Variants in L3MBTL2 observed in about 807,000 individuals in gnomAD.
The protein encoded by L3MBTL2 is L3MBTL histone methyl-lysine binding protein 2, also known as lethal(3)malignant brain tumor-like protein 2.
A neutral mutation model predicts 86.4 loss-of-function variants in L3MBTL2; 49 were observed. That is an observed-to-expected ratio of 0.57 (90% confidence interval 0.45 to 0.72). L3MBTL2 has a LOEUF of 0.72. Ranked by LOEUF, L3MBTL2 falls within the 30% of genes least tolerant of loss-of-function variation. The pLI is 0.00. For missense variants in L3MBTL2, 755 were observed against 923.7 expected (o/e 0.82, Z 2.37); for synonymous variants, 336 against 350.6 (o/e 0.96, Z 0.47).
chr22:41,208,296 A>AT (rs771830116), intron 1 of L3MBTL2: 254 of 436,096 alleles, frequency 5.8e-4, no homozygotes, highest in East Asian at 1.6e-3. Context: ...CACCTGGCTA[A>AT]TTTTTTTTTC....
At chr22:41,218,513 A>C (rs905688041) in intron 5 of L3MBTL2, 3 of 152,210 alleles carry the variant, frequency 2.0e-5, no homozygotes, top group Non-Finnish European at 4.4e-5. Context: ...ACTCTAAAAA[A>C]AGTGATTCTC....
rs755116539 is a variant in L3MBTL2 at position 41,216,283 on chromosome 22, G to C, written c.520+21G>C. 11 of 1,604,640 alleles carry C rather than the reference G, an allele frequency of 6.9e-6. No individual in the cohort carries two copies. The East Asian group carries it at 1.3e-4, about 20-fold the overall frequency. On this transcript the variant is annotated intron_variant, in intron 4 of 16. Coordinates refer to ENST00000216237, the MANE Select transcript of L3MBTL2 (RefSeq NM_031488.5). ...AGACGGTAAGATAGCAGAGGGCCCT[G>C]CTTAGGAAGCTGCCGTGGCTGGGGA...
At chr22:41,219,681 T>C in intron 6 of L3MBTL2, 145 bp downstream of exon 6, 1 of 616,972 alleles carries the variant, frequency 1.6e-6, no homozygotes, top group East Asian at 2.8e-5. Flanking sequence ...AGGATTCTTT[T>C]ACCGGAGAAG....
intron 2 of L3MBTL2, among the ~76,000 whole-genome samples, chr22:41,211,732 G>GT (rs2030845610): frequency 9.3e-6 from 1 of 106,986 alleles, no homozygotes; most frequent in Non-Finnish European, 1.9e-5. Context: ...AATTTTTTTT[G>GT]TATTTTAGTA....
chr22:41,225,795 T>C lies in L3MBTL2; in HGVS notation c.1358T>C (p.Val453Ala), dbSNP rs1160541004. The change falls in exon 12 of 17, where the codon GTT (valine) becomes GCT (alanine). Residue 453 changes from valine (V) to alanine (A), a missense_variant and splice_region_variant. Coordinates refer to ENST00000216237, the MANE Select transcript of L3MBTL2 (RefSeq NM_031488.5). This position sits in a 1 kb window ranked among gnomAD's most constrained non-coding sequence, Gnocchi z 4.1. ...GNICVATVCKVLLDGYLMICV... is the reference protein window; with the variant it reads ...GNICVATVCKALLDGYLMICV... ...CTGCCTGCTCCCCCCACCCCCCAGG[T>C]TCTCCTGGATGGATACCTGATGATC... The C allele has an allele frequency of 6.2e-7, 1 of 1,606,722 alleles. No homozygotes were observed. The highest frequency in any genetic ancestry group is 1.3e-5 in the African/African-American group (1 of 74,768).
chr22:41,225,139 T>A lies in L3MBTL2; in HGVS notation c.1356+68T>A. 1 of 1,265,218 alleles carries A rather than the reference T, an allele frequency of 7.9e-7. No individual in the cohort carries two copies. The highest frequency in any genetic ancestry group is 1.1e-6 in the Non-Finnish European group (1 of 891,106). The allele number at this position is 1,265,218 out of a possible 1,614,324, so 78.4% of individuals were successfully genotyped here. A position where few individuals can be genotyped will look rare whatever the true frequency, so the allele number is the denominator to read the frequency against. ...GGGGGACCCATGTGGCCCAGAGCTC[T>A]AACCCCACTCGCCACCGTCAGGGGG... On this transcript the variant is annotated intron_variant, in intron 11 of 16. Coordinates refer to ENST00000216237, the MANE Select transcript of L3MBTL2 (RefSeq NM_031488.5). This position sits in a 1 kb window ranked among gnomAD's most constrained non-coding sequence, Gnocchi z 4.1.
At chr22:41,216,314 C>T (rs2145584534) in intron 4 of L3MBTL2, 52 bp downstream of exon 4, 1 of 1,594,232 alleles carries the variant, frequency 6.3e-7, no homozygotes, top group Non-Finnish European at 8.6e-7. Flanking sequence ...GGGGAGGAGA[C>T]TGGGTTTGGG....
intron 1 of L3MBTL2, chr22:41,208,451 A>G (rs1243017668): frequency 3.3e-6 from 1 of 302,832 alleles, no homozygotes; most frequent in South Asian, 2.5e-5. Flanking sequence ...TTTCTGTTAC[A>G]TGCTGGGTAG....
In L3MBTL2 at chr22:41,227,126, TG is replaced by T; in HGVS notation, c.1627del (p.Glu543ArgfsTer5). The T allele has an allele frequency of 6.2e-7, 1 of 1,613,588 alleles. No homozygotes were observed. Among genetic ancestry groups the T allele is most frequent in the Non-Finnish European group, 8.5e-7 (1 of 1,179,968 alleles). ...CATGGCTTCAAGGTGGGCATGAAGCTGGAGGCCGTGGACCTGATGGAGCCCC... is the reference window on the plus strand; with the variant it reads ...CATGGCTTCAAGGTGGGCATGAAGCTGAGGCCGTGGACCTGATGGAGCCCC... ...PNHGFKVGMK[L>X]EAVDLMEPRL... On this transcript the variant is annotated frameshift_variant, in exon 14 of 17. Coordinates refer to ENST00000216237, the MANE Select transcript of L3MBTL2 (RefSeq NM_031488.5). LOFTEE classifies it high-confidence loss of function. The surrounding 1 kb of genome is among the most constrained non-coding windows in gnomAD (Gnocchi z 6.0).
intron 2 of L3MBTL2, 81 bp downstream of exon 2, chr22:41,210,014 G>T (rs2030592489): frequency 1.3e-6 from 2 of 1,544,156 alleles, no homozygotes; most frequent in African/African-American, 1.4e-5. Flanking sequence ...GGCTATATGG[G>T]CAGAGCCATC....
At chr22:41,213,133 C>A (rs750490417) in intron 2 of L3MBTL2, among the ~76,000 whole-genome samples, 1 of 152,130 alleles carries the variant, frequency 6.6e-6, no homozygotes, top group African/African-American at 2.4e-5. Flanking sequence ...AGGAGAATGG[C>A]GTGAACCCGG....
At chr22:41,228,175 A>G (rs962092572) in intron 15 of L3MBTL2, 9 of 985,314 alleles carry the variant, frequency 9.1e-6, no homozygotes, top group Admixed American at 6.1e-5. Flanking sequence ...CCATGTTCAG[A>G]AAAAAACAGC....
At chr22:41,208,472 A>G (rs1354205044) in intron 1 of L3MBTL2, 2 of 274,406 alleles carry the variant, frequency 7.3e-6, no homozygotes, top group African/African-American at 2.3e-5. Flanking sequence ...ATTCATATAC[A>G]TTATCTCATT....
In L3MBTL2 at chr22:41,216,809, C is replaced by T. The variant is rs1171156773; in HGVS notation, c.521-314C>T. On this transcript the variant is annotated intron_variant, in intron 4 of 16. Transcript: ENST00000216237. ...TGGGTGTGGCCAATCAGGTTCAGGG[C>T]GGAGGGAGGAATTTAAGCCCAGGGA... Among the ~76,000 whole-genome samples, 5 of 152,230 alleles carry T rather than the reference C, an allele frequency of 3.3e-5. No homozygotes were observed. In the East Asian group the frequency reaches 9.6e-4, roughly 29 times the overall value.
Position 41,230,151 on chromosome 22 carries a change from G to A in L3MBTL2, c.2018G>A (p.Arg673His), listed in dbSNP as rs150229614. ...CCTCCCTCTTCAGTCATTGCTGTGC[G>A]TGTGAAGGAAGAGCATCTAGACGTG... is the stretch of plus-strand genomic sequence containing the variant. ...EPVPGEIIAV[R>H]VKEEHLDVAS... The change falls in exon 17 of 17, where the codon CGT becomes CAT. Residue 673 changes from arginine to histidine, a missense_variant. Physicochemically the swap from Arg to His is conservative, Grantham distance 29 (BLOSUM62 0). Transcript: ENST00000216237. 3.0e-5 allele frequency: 48 copies of A among 1,605,052 alleles called. No individual in the cohort carries two copies. Among genetic ancestry groups the A allele is most frequent in the African/African-American group, 9.7e-5 (7 of 72,268 alleles).
In L3MBTL2 at chr22:41,229,579, A is replaced by G; in HGVS notation, c.1928A>G (p.Gln643Arg). Reference sequence around the variant, plus strand: ...CCCACTAAGACGCGACCCCTCAGACAGGGGTCCAAGAAGCCCCTGCTGGAG... The same window carrying G: ...CCCACTAAGACGCGACCCCTCAGACGGGGGTCCAAGAAGCCCCTGCTGGAG... Reference protein sequence around the residue: ...IPPTKTRPLRQGSKKPLLEDD... With the variant: ...IPPTKTRPLRRGSKKPLLEDD... Residue 643 changes from glutamine to arginine, a missense_variant, in exon 16 of 17, where the codon CAG (glutamine) becomes CGG (arginine). Transcript: ENST00000216237. 2 of 1,613,346 alleles carry G rather than the reference A, an allele frequency of 1.2e-6. No individual in the cohort carries two copies. The highest frequency in any genetic ancestry group is 1.7e-6 in the Non-Finnish European group (2 of 1,179,404).
intron 4 of L3MBTL2, among the ~76,000 whole-genome samples, chr22:41,216,877 C>T (rs2031414480): frequency 6.6e-6 from 1 of 152,222 alleles, no homozygotes; most frequent in Non-Finnish European, 1.5e-5. Context: ...CGAGAAATTT[C>T]CCTTTGAATG....
Position 41,217,572 on chromosome 22 carries a change from G to A in L3MBTL2, c.600+370G>A, listed in dbSNP as rs7289843. ...AGCTGGCCTGGGCCCCGTGGGCCCCGAGAGGCAGATGTGGATGCTCCTGGA... is the reference window on the plus strand; with the variant it reads ...AGCTGGCCTGGGCCCCGTGGGCCCCAAGAGGCAGATGTGGATGCTCCTGGA... On this transcript the variant is annotated intron_variant, in intron 5 of 16. Coordinates refer to ENST00000216237, the MANE Select transcript of L3MBTL2 (RefSeq NM_031488.5). The A allele has an allele frequency of 4.2e-3, 958 of 229,476 alleles. 8 individuals are homozygous for A. The highest frequency in any genetic ancestry group is 0.021 in the African/African-American group (917 of 43,060). 14.2% of individuals were successfully genotyped at this position (229,476 alleles called of 1,614,324 possible).
Position 41,208,158 on chromosome 22 carries a change from A to T in L3MBTL2, c.25-1538A>T, listed in dbSNP as rs148853030. Among the ~76,000 whole-genome samples the T allele has an allele frequency of 9.9e-3, 1,478 of 148,628 alleles. 57 individuals carry two copies. Among genetic ancestry groups the T allele is most frequent in the Admixed American group, 0.08 (1,190 of 14,968 alleles). On this transcript the variant is annotated intron_variant, in intron 1 of 16. Coordinates refer to ENST00000216237, the MANE Select transcript of L3MBTL2 (RefSeq NM_031488.5). ...TTTTTTCTTTTTCTTTGGAGACAGG[A>T]TGTCATTCTCTTGCCCAGGCTGGAT... is the stretch of plus-strand genomic sequence containing the variant.
Sources: allele counts gnomAD v4.1 joint callset (sites outside exome capture counted in the v4.1 genomes callset), GRCh38; gene constraint gnomAD v4.1.1; non-coding constraint Gnocchi (gnomAD v3.1); transcripts MANE v1.5; gene names NCBI Gene and HGNC (gene_info 2026-07-23, HGNC 2026-07-21).